MEIG1: variants seen among roughly 807,000 people sequenced by gnomAD.
MEIG1 encodes meiosis expressed gene 1 protein homolog.
A neutral mutation model predicts 11.3 loss-of-function variants in MEIG1; 12 were observed. That is an observed-to-expected ratio of 1.07 (90% CI 0.68 to 1.73). The LOEUF (loss-of-function observed/expected upper bound fraction) is 1.73. Among genes scored for constraint, MEIG1 ranks in the 40% most tolerant of loss-of-function variants. The pLI is 0.00. For synonymous variants in MEIG1, 41 were observed against 33.2 expected, an observed-to-expected ratio of 1.24 and a Z score of -0.81; for missense variants, 119 against 104.9, an observed-to-expected ratio of 1.13 and a Z score of -0.59.
chr10:14,977,650 C>T (rs554896694), downstream of MEIG1, among the ~76,000 whole-genome samples: 35 of 151,996 alleles, frequency 2.3e-4, no homozygotes, highest in South Asian at 3.1e-3. Context: ...CCTAATATCA[C>T]AGTGGGTGTA....
intron 1 of MEIG1, among the ~76,000 whole-genome samples, chr10:14,979,534 C>A (rs1247604030): frequency 2.0e-5 from 3 of 152,012 alleles, no homozygotes; most frequent in South Asian, 4.1e-4. Flanking sequence ...GGGGTGTACA[C>A]CCTGTGTTAT....
chr10:14,961,637 A>ACTTTTTTTTTTTTT (rs1843013791), intron 1 of MEIG1, among the ~76,000 whole-genome samples: 1 of 39,582 alleles, frequency 2.5e-5, no homozygotes, highest in East Asian at 5.0e-4. Context: ...GCATCCGGCT[A>ACTTTTTTTTTTTTT]ATTTTTTTTT....
chr10:14,969,308 G>A (rs1843123384), intron 2 of MEIG1, among the ~76,000 whole-genome samples: 1 of 151,858 alleles, frequency 6.6e-6, no homozygotes, highest in Non-Finnish European at 1.5e-5. Context: ...AATTAGCCAG[G>A]CATGGTGGAG....
chr10:14,975,904 G>A (rs1589213548), downstream of MEIG1, among the ~76,000 whole-genome samples: 2 of 152,286 alleles, frequency 1.3e-5, no homozygotes, highest in East Asian at 3.9e-4. Context: ...TTAATATCCA[G>A]GGGGAAGAGG....
intron 1 of MEIG1, among the ~76,000 whole-genome samples, chr10:14,963,823 G>A (rs1292210667): frequency 1.3e-5 from 2 of 152,168 alleles, no homozygotes; most frequent in Admixed American, 6.5e-5. Flanking sequence ...ATTTGGCAAG[G>A]CGTGGTGGCT....
chr10:14,956,417 A>G (rs1256548428), upstream of MEIG1, among the ~76,000 whole-genome samples: 1 of 81,514 alleles, frequency 1.2e-5, no homozygotes, highest in Non-Finnish European at 2.8e-5. Context: ...CGTCTCTACT[A>G]AAAATAAAAA....
At position 14,972,591 on chromosome 10, in the gene MEIG1, AGGGAATGTGAT is replaced by A. The variant is rs774222223; in HGVS notation, c.219_229del (p.Glu74GlnfsTer41). 2 of 1,613,444 alleles carry A rather than the reference AGGGAATGTGAT, an allele frequency of 1.2e-6. No individual in the cohort carries two copies. Among genetic ancestry groups the A allele is most frequent in the Non-Finnish European group, 1.7e-6 (2 of 1,179,742 alleles). ...TACGTTCTATTACTACAACAAACAG[AGGGAATGTGAT>A]GACAAAGAAGTCCACAAAGTGAAAA... On this transcript the variant is annotated frameshift_variant, in exon 3 of 3. Transcript: ENST00000407572. LOFTEE classifies it high-confidence loss of function.
chr10:14,979,197 G>A (rs1022876763), intron 1 of MEIG1, among the ~76,000 whole-genome samples: 1 of 151,620 alleles, frequency 6.6e-6, no homozygotes, highest in African/African-American at 2.4e-5. Flanking sequence ...GGTTGTACAC[G>A]CTGTGATATT....
chr10:14,960,777 A>G (rs542944846), intron 1 of MEIG1, among the ~76,000 whole-genome samples: 297 of 152,078 alleles, frequency 2.0e-3, no homozygotes, highest in Non-Finnish European at 3.5e-3. Flanking sequence ...CTGTAATCCC[A>G]GCACTTTGGG....
intron 1 of MEIG1, among the ~76,000 whole-genome samples, chr10:14,982,440 T>C (rs1170499000): frequency 2.0e-5 from 3 of 152,170 alleles, no homozygotes; most frequent in Non-Finnish European, 2.9e-5. Flanking sequence ...AAGAGGAACA[T>C]GAGCAACTGG....
upstream of MEIG1, among the ~76,000 whole-genome samples, chr10:14,959,272 GC>G (rs200764583): frequency 5.0e-3 from 756 of 152,336 alleles, 18 homozygotes; most frequent in Admixed American, 0.043. Context: ...AGTAAGATGG[GC>G]CGGCGCCCAC....
exon 3 of MEIG1, chr10:14,987,841 C>T (rs1800099630): frequency 5.9e-6 from 1 of 169,076 alleles, no homozygotes; most frequent in Non-Finnish European, 1.3e-5. Flanking sequence ...ATACACTCTA[C>T]TTTATTCTGA....
At chr10:14,961,638 ATT>A (rs34536061) in intron 1 of MEIG1, among the ~76,000 whole-genome samples, 22 of 76,604 alleles carry the variant, frequency 2.9e-4, no homozygotes, top group Admixed American at 7.2e-4. Flanking sequence ...CATCCGGCTA[ATT>A]TTTTTTTTTT....
At chr10:14,969,788 A>T (rs1407758892) in intron 2 of MEIG1, among the ~76,000 whole-genome samples, 1 of 152,186 alleles carries the variant, frequency 6.6e-6, no homozygotes, top group Non-Finnish European at 1.5e-5. Flanking sequence ...GTAAGCTGAG[A>T]TCATGCCACT....
At chr10:14,963,576 C>A (rs1347477987) in intron 1 of MEIG1, among the ~76,000 whole-genome samples, 3 of 152,116 alleles carry the variant, frequency 2.0e-5, no homozygotes, top group Non-Finnish European at 4.4e-5. Flanking sequence ...GTGAACTTCC[C>A]ACTAGAATGA....
intron 2 of MEIG1, 148 bp from the exon 3 acceptor site, chr10:14,972,365 G>C: frequency 3.1e-6 from 3 of 958,608 alleles, no homozygotes; most frequent in Non-Finnish European, 4.7e-6. Context: ...GTGTCTTGTG[G>C]GTATCATACT....
At chr10:14,966,033 A>C (rs1843078734) in intron 1 of MEIG1, among the ~76,000 whole-genome samples, 2 of 150,862 alleles carry the variant, frequency 1.3e-5, no homozygotes, top group African/African-American at 4.9e-5. Flanking sequence ...TCTCAACTCT[A>C]AGTATAATTT....
intron 1 of MEIG1, among the ~76,000 whole-genome samples, chr10:14,961,555 C>G (rs1004659520): frequency 6.6e-6 from 1 of 151,708 alleles, no homozygotes; most frequent in Non-Finnish European, 1.5e-5. Flanking sequence ...ACCGCAACCT[C>G]CGTCTCCTGG....
chr10:14,963,336 C>T (rs1291781910), intron 1 of MEIG1, among the ~76,000 whole-genome samples: 1 of 152,098 alleles, frequency 6.6e-6, no homozygotes, highest in Non-Finnish European at 1.5e-5. Flanking sequence ...CTCAGGTGAT[C>T]CACCCACCTC....
Sources: gnomAD v4.1 joint callset for allele counts (sites outside exome capture counted in the v4.1 genomes callset) on GRCh38, gnomAD v4.1.1 for gene constraint, MANE v1.5 for transcripts, NCBI Gene and HGNC (gene_info 2026-07-23, HGNC 2026-07-21) for gene names.